The following PCDHGB5 variants were observed in gnomAD, a reference collection of about 807,000 sequenced individuals.
The protein encoded by PCDHGB5 is protocadherin gamma subfamily B, 5.
Under a neutral mutation model 62.9 loss-of-function variants are expected in PCDHGB5, and 48 were observed. The ratio of observed to expected loss-of-function variants is 0.76; its 90% CI spans 0.61 to 0.97. The LOEUF (loss-of-function observed/expected upper bound fraction) is 0.97, where lower values mean the gene tolerates loss of function less well. Among genes scored for constraint, PCDHGB5 ranks in the 50% least tolerant of loss-of-function variants. The probability of loss-of-function intolerance (pLI) is 0.00; values close to 1 mark genes in which losing one functional copy is unlikely to be tolerated. For synonymous variants in PCDHGB5, 474 were observed against 511.2 expected, an observed-to-expected ratio of 0.93 and a Z score of 0.98; for missense variants, 1,118 against 1,198.6, an observed-to-expected ratio of 0.93 and a Z score of 0.99.
In PCDHGB5 at chr5:141,486,157, AG is replaced by A. The variant is rs1562110605; in HGVS notation, c.2398-8649del. 1 of 1,614,208 alleles carries A rather than the reference AG, an allele frequency of 6.2e-7. No homozygotes were observed. Among genetic ancestry groups the A allele is most frequent in the Admixed American group, 1.7e-5 (1 of 60,026 alleles). On this transcript the variant is annotated intron_variant, in intron 1 of 3. Coordinates refer to ENST00000617380, the MANE Select transcript of PCDHGB5 (RefSeq NM_018925.3). This position sits in a 1 kb window ranked among gnomAD's most constrained non-coding sequence, Gnocchi z 5.0. ...TGCGGGCTCGCGATGGGGGTTCTCC[AG>A]CCATGGAGCAACATTGCAGCCTTCG...
rs2099883782 is a variant in PCDHGB5 at position 141,511,420 on chromosome 5, G to C, written c.*247G>C. The C allele has an allele frequency of 1.2e-6, 1 of 830,744 alleles. No homozygotes were observed. The allele number at this position is 830,744 out of a possible 1,614,324, so 51.5% of individuals were successfully genotyped here. On this transcript the variant is annotated 3_prime_UTR_variant, in exon 4 of 4. Transcript: ENST00000617380. ...TCCAATCAACTGCTGTACCCATGGG[G>C]GTAGTGGGGTTACTGTAGACACCAA...
intron 1 of PCDHGB5, among the ~76,000 whole-genome samples, chr5:141,436,889 G>T (rs1319754318): frequency 6.6e-6 from 1 of 152,208 alleles, no homozygotes; most frequent in Non-Finnish European, 1.5e-5. Flanking sequence ...ATGGGGGAAA[G>T]ATTTTTATAT....
rs1476081470 is a variant in PCDHGB5, at chr5:141,432,757, C to G, written c.2397+32233C>G. 2.5e-6 allele frequency: 4 copies of G among 1,614,150 alleles called. No homozygotes were observed. The highest frequency in any genetic ancestry group is 1.3e-5 in the African/African-American group (1 of 75,076). ...TCACGCTCACCGTGGCCGTGGCCGA[C>G]AGCATCCCCCAAGTCCTGGCGGACC... On this transcript the variant is annotated intron_variant, in intron 1 of 3. Coordinates refer to ENST00000617380, the MANE Select transcript of PCDHGB5 (RefSeq NM_018925.3). This position sits in a 1 kb window ranked among gnomAD's most constrained non-coding sequence, Gnocchi z 6.0.
At chr5:141,408,303 G>A in intron 1 of PCDHGB5, 3 of 1,613,794 alleles carry the variant, frequency 1.9e-6, no homozygotes, top group Non-Finnish European at 2.5e-6. Flanking sequence ...GAGCCGATCC[G>A]CTACTCGATT....
chr5:141,487,920 C>G lies in PCDHGB5; in HGVS notation c.2398-6887C>G, dbSNP rs561819225. On this transcript the variant is annotated intron_variant, in intron 1 of 3. Coordinates refer to ENST00000617380, the MANE Select transcript of PCDHGB5 (RefSeq NM_018925.3). This position sits in a 1 kb window ranked among gnomAD's most constrained non-coding sequence, Gnocchi z 5.0. ...TGGAATGTGGGAGCACAGGAGGCTA[C>G]AGTGCACAGGGTACAGTGCACCAGG... The G allele has an allele frequency of 4.7e-6, 3 of 644,662 alleles. No individual in the cohort carries two copies. The Admixed American group carries it at 8.5e-5, about 18-fold the overall frequency. 39.9% of individuals were successfully genotyped at this position (644,662 alleles called of 1,614,324 possible).
Position 141,487,278 on chromosome 5 carries a change from T to G in PCDHGB5, c.2398-7529T>G. 6 of 1,614,180 alleles carry G rather than the reference T, an allele frequency of 3.7e-6. No individual in the cohort carries two copies. Among genetic ancestry groups the G allele is most frequent in the Non-Finnish European group, 5.1e-6 (6 of 1,180,040 alleles). On this transcript the variant is annotated intron_variant, in intron 1 of 3. Coordinates refer to ENST00000617380, the MANE Select transcript of PCDHGB5 (RefSeq NM_018925.3). The surrounding 1 kb of genome is among the most constrained non-coding windows in gnomAD (Gnocchi z 5.0). Reference sequence around the variant, plus strand: ...GCTGTGTCCCTAGTGGCAATTTGCTTTGTCTCCTTTGGCTCATTCGTGGCA... The same window carrying G: ...GCTGTGTCCCTAGTGGCAATTTGCTGTGTCTCCTTTGGCTCATTCGTGGCA...
In PCDHGB5 at chr5:141,399,125, T is replaced by C; in HGVS notation, c.998T>C (p.Ile333Thr). ...GCACAATGTACAGTTGAAATTAATA[T>C]TCAAGATGAAAATGACAATAGCCCA... Reference protein sequence around the residue: ...LVAQCTVEINIQDENDNSPEV... With the variant: ...LVAQCTVEINTQDENDNSPEV... The change falls in exon 1 of 4, where the codon ATT (isoleucine) becomes ACT (threonine). Residue 333 changes from isoleucine (I) to threonine (T), a missense_variant. Ile to Thr is a moderately conservative substitution (Grantham distance 89). This residue lies in a region of PCDHGB5 where 1,034 missense variants were observed against 1,029.1 expected (regional missense o/e 1.00). Coordinates refer to ENST00000617380, the MANE Select transcript of PCDHGB5 (RefSeq NM_018925.3). 1 of 1,613,834 alleles carries C rather than the reference T, an allele frequency of 6.2e-7. No individual in the cohort carries two copies. Among genetic ancestry groups the C allele is most frequent in the South Asian group, 1.1e-5 (1 of 91,088 alleles).
chr5:141,431,474 G>T lies in PCDHGB5; in HGVS notation c.2397+30950G>T, dbSNP rs747313827. 3.7e-6 allele frequency: 6 copies of T among 1,613,842 alleles called. No homozygotes were observed. The South Asian group carries it at 6.6e-5, about 18-fold the overall frequency. ...GATGGTTCTGGATGCGAACGACAAC[G>T]CACCAGCGTTTGCTCAGCCCGAGTA... is the stretch of plus-strand genomic sequence containing the variant. On this transcript the variant is annotated intron_variant, in intron 1 of 3. Transcript: ENST00000617380. The surrounding 1 kb of genome is among the most constrained non-coding windows in gnomAD (Gnocchi z 4.8).
At chr5:141,418,499 G>A (rs775606988) in intron 1 of PCDHGB5, 1 of 1,613,962 alleles carries the variant, frequency 6.2e-7, no homozygotes, top group Non-Finnish European at 8.5e-7. Context: ...GGTACTGACC[G>A]CCTTAGATGG....
chr5:141,478,774 G>T (rs1019315910), intron 1 of PCDHGB5: 1 of 1,496,268 alleles, frequency 6.7e-7, no homozygotes, highest in African/African-American at 1.4e-5. Flanking sequence ...ACTCATCTGT[G>T]GACCTAATTC....
At chr5:141,421,388 G>T in intron 1 of PCDHGB5, 17 of 1,614,052 alleles carry the variant, frequency 1.1e-5, no homozygotes, top group Non-Finnish European at 1.4e-5. Flanking sequence ...AAGGACCTGG[G>T]GCTGGAGCCC....
rs550386808 is a variant in PCDHGB5 at position 141,399,436 on chromosome 5, C to T, written c.1309C>T (p.His437Tyr). The change falls in exon 1 of 4, where the codon CAT becomes TAT. Residue 437 changes from histidine to tyrosine, a missense_variant. Coordinates refer to ENST00000617380, the MANE Select transcript of PCDHGB5 (RefSeq NM_018925.3). ...CTCCTCCAGCATAAGCGTCATCCTA[C>T]ATATCAGAGACGTCAACGATAACGC... ...PLSSSISVIL[H>Y]IRDVNDNAPV... 12 of 1,613,996 alleles carry T rather than the reference C, an allele frequency of 7.4e-6. No homozygotes were observed. Among genetic ancestry groups the T allele is most frequent in the Admixed American group, 3.3e-5 (2 of 60,030 alleles).
chr5:141,450,280 T>C (rs1374970772), intron 1 of PCDHGB5, among the ~76,000 whole-genome samples: 2 of 152,166 alleles, frequency 1.3e-5, no homozygotes, highest in African/African-American at 4.8e-5. Context: ...AGCTAAGTGC[T>C]GGGATTACAG....
intron 1 of PCDHGB5, chr5:141,418,387 G>C (rs1172239604): frequency 1.9e-6 from 3 of 1,613,884 alleles, no homozygotes; most frequent in Non-Finnish European, 2.5e-6. Flanking sequence ...GTCCTAACGA[G>C]TATTTCTCAT....
At chr5:141,408,857 G>A (rs372861749) in intron 1 of PCDHGB5, 4 of 1,613,542 alleles carry the variant, frequency 2.5e-6, no homozygotes, top group Non-Finnish European at 3.4e-6. Flanking sequence ...GGACGGAGGG[G>A]ACCCACCAAG....
chr5:141,470,842 CA>C (rs1300821457), intron 1 of PCDHGB5, among the ~76,000 whole-genome samples: 2 of 152,044 alleles, frequency 1.3e-5, no homozygotes, highest in African/African-American at 4.8e-5. Flanking sequence ...CACACGCCAC[CA>C]TGCTCAGATA....
intron 2 of PCDHGB5, among the ~76,000 whole-genome samples, chr5:141,504,713 G>A (rs1443171981): frequency 1.3e-5 from 2 of 151,850 alleles, no homozygotes; most frequent in African/African-American, 2.4e-5. Context: ...TATGGCCGTG[G>A]ATTTTACTCT....
chr5:141,418,980 A>C (rs1219866791), intron 1 of PCDHGB5: 2 of 1,614,004 alleles, frequency 1.2e-6, no homozygotes, highest in Non-Finnish European at 1.7e-6. Flanking sequence ...ACACGGGACC[A>C]AGACTCAGGG....
chr5:141,489,405 G>A lies in PCDHGB5; in HGVS notation c.2398-5402G>A. ...ATGTTGCTCAGGATCTGGGCTTAAA[G>A]ATGACAGATCTGTTGAGCCGGCGGC... On this transcript the variant is annotated intron_variant, in intron 1 of 3. Transcript: ENST00000617380. This position sits in a 1 kb window ranked among gnomAD's most constrained non-coding sequence, Gnocchi z 4.5. The A allele has an allele frequency of 1.2e-6, 2 of 1,614,204 alleles. No individual in the cohort carries two copies. The highest frequency in any genetic ancestry group is 2.2e-5 in the South Asian group (2 of 91,088).
Sources: gnomAD v4.1 joint callset for allele counts (sites outside exome capture counted in the v4.1 genomes callset) on GRCh38, gnomAD v4.1.1 for gene constraint, gnomAD v4.1.1 regional missense constraint, Gnocchi (gnomAD v3.1) non-coding constraint, MANE v1.5 for transcripts, NCBI Gene and HGNC (gene_info 2026-07-23, HGNC 2026-07-21) for gene names.